Variants in VPS13B observed in about 807,000 individuals in gnomAD.
VPS13B encodes vacuolar protein sorting 13 homolog B.
A neutral mutation model predicts 426.4 loss-of-function variants in VPS13B; 285 were observed. The observed-to-expected ratio is 0.67, with a 90% CI of 0.61 to 0.74. The LOEUF is 0.74. VPS13B is among the 30% of genes least tolerant of loss of function. The pLI, the probability that VPS13B is intolerant of heterozygous loss-of-function variation, is 0.00. For missense variants in VPS13B, 4,537 were observed against 4,782.6 expected, an observed-to-expected ratio of 0.95 and a Z score of 1.51; for synonymous variants, 1,676 against 1,676.4, an observed-to-expected ratio of 1.00 and a Z score of 0.01.
intron 12 of VPS13B, among the ~76,000 whole-genome samples, chr8:99,137,980 C>T (rs1031870436): frequency 3.3e-5 from 5 of 152,030 alleles, no homozygotes; most frequent in African/African-American, 9.7e-5. Context: ...TCGTACTATC[C>T]TCTTCTTGTT....
At chr8:99,767,668 GT>G (rs1811295393) in intron 40 of VPS13B, among the ~76,000 whole-genome samples, 1 of 152,122 alleles carries the variant, frequency 6.6e-6, no homozygotes, top group Non-Finnish European at 1.5e-5. Flanking sequence ...GTGGCTCGCA[GT>G]TGTAATCCCA....
intron 17 of VPS13B, among the ~76,000 whole-genome samples, chr8:99,272,782 T>C (rs1414071983): frequency 1.3e-5 from 2 of 152,190 alleles, no homozygotes; most frequent in South Asian, 2.1e-4. Flanking sequence ...TTTGCTTCCT[T>C]TTTATCTATA....
chr8:99,589,893 A>T (rs908992896), intron 33 of VPS13B, among the ~76,000 whole-genome samples: 3 of 152,072 alleles, frequency 2.0e-5, no homozygotes, highest in Non-Finnish European at 4.4e-5. Context: ...TATTGATTGG[A>T]ATAGTTTCAG....
rs1371561446 is a variant in VPS13B at position 99,717,477 on chromosome 8, G to A, written c.6657+104G>A. 5 of 1,048,616 alleles carry A rather than the reference G, an allele frequency of 4.8e-6. No individual in the cohort carries two copies. The East Asian group carries it at 1.0e-4, about 22-fold the overall frequency. 65.0% of individuals were successfully genotyped at this position (1,048,616 alleles called of 1,614,324 possible). A position where few individuals can be genotyped will look rare whatever the true frequency, so the allele number is the denominator to read the frequency against. ...TTAAATCTTTGTGTGGTAAGAAAGG[G>A]TATTTGTCAGATTGCTACTTGTTAA... is the stretch of plus-strand genomic sequence containing the variant. On this transcript the variant is annotated intron_variant, in intron 37 of 61. Transcript: ENST00000357162.
intron 30 of VPS13B, among the ~76,000 whole-genome samples, chr8:99,547,431 A>T (rs1296840913): frequency 1.3e-5 from 2 of 151,982 alleles, no homozygotes; most frequent in African/African-American, 4.8e-5. Context: ...CTTCTTTTTC[A>T]TTCCTATTTT....
At position 99,821,455 on chromosome 8, in the gene VPS13B, A is replaced by T. The variant is rs747092413; in HGVS notation, c.9156A>T (p.Arg3052Ser). The change falls in exon 50 of 62, where the codon AGA becomes AGT. Residue 3052 changes from arginine (R) to serine (S), a missense_variant. Arg to Ser is a moderately radical substitution (Grantham distance 110). Around this residue, in one of 2 missense-constraint regions of VPS13B, gnomAD observed 4,311 missense variants for 4,474.3 expected, o/e 0.96. Coordinates refer to ENST00000357162, the MANE Select transcript of VPS13B (RefSeq NM_152564.5). Reference protein sequence around the residue: ...DEEAFVDTEIRLGAFPGHQKL... With the variant: ...DEEAFVDTEISLGAFPGHQKL... The stretch of plus-strand genomic sequence containing the variant: ...AAGCGTTTGTTGATACTGAAATAAG[A>T]CTTGGTGCTTTTCCAGGACATCAGA... 3.1e-6 allele frequency: 5 copies of T among 1,613,644 alleles called. No homozygotes were observed. The highest frequency in any genetic ancestry group is 4.2e-6 in the Non-Finnish European group (5 of 1,179,738).
intron 33 of VPS13B, among the ~76,000 whole-genome samples, chr8:99,592,014 G>A (rs1001849645): frequency 9.9e-5 from 15 of 151,830 alleles, no homozygotes; most frequent in African/African-American, 2.2e-4. Flanking sequence ...GTCTTTTCAC[G>A]TAGTCCCATA....
At chr8:99,410,071 T>C (rs1280171007) in intron 21 of VPS13B, among the ~76,000 whole-genome samples, 3 of 152,126 alleles carry the variant, frequency 2.0e-5, no homozygotes, top group Non-Finnish European at 4.4e-5. Flanking sequence ...AATTTCAGAT[T>C]TCACCACTCT....
rs147119391 is a variant in VPS13B at position 99,530,369 on chromosome 8, C to T, written c.4745+9359C>T. Among the ~76,000 whole-genome samples, 93 of 152,214 alleles carry T rather than the reference C, an allele frequency of 6.1e-4. 1 individual carries two copies. The highest frequency in any genetic ancestry group is 1.9e-3 in the African/African-American group (80 of 41,546). On this transcript the variant is annotated intron_variant, in intron 30 of 61. Coordinates refer to ENST00000357162, the MANE Select transcript of VPS13B (RefSeq NM_152564.5). ...GTGGCTGATGCCTGTAATCCCAGCA[C>T]TTTGGGAGGCCAAGGTGGGCGGATC...
At chr8:99,465,362 CTG>C (rs1255480763) in intron 23 of VPS13B, among the ~76,000 whole-genome samples, 10 of 148,110 alleles carry the variant, frequency 6.8e-5, no homozygotes, top group Non-Finnish European at 1.3e-4. Context: ...TTAAAACAAT[CTG>C]TATGCTAAAT....
intron 40 of VPS13B, among the ~76,000 whole-genome samples, chr8:99,770,307 G>C (rs1811418321): frequency 6.6e-6 from 1 of 152,112 alleles, no homozygotes; most frequent in Non-Finnish European, 1.5e-5. Flanking sequence ...TCTATTTGCT[G>C]TGCACTGGAC....
In VPS13B at chr8:99,823,898, A is replaced by G. The variant is rs1405796986; in HGVS notation, c.9250A>G (p.Thr3084Ala). ...GIQIIQIEDKTTIINNTPYQI... is the reference protein window; with the variant it reads ...GIQIIQIEDKATIINNTPYQI... ...ACAAATTATTCAGATTGAAGACAAG[A>G]CTACAATAATCAATAATACACCATA... The change falls in exon 51 of 62, where the codon ACT becomes GCT. Residue 3084 changes from threonine to alanine, a missense_variant. Coordinates refer to ENST00000357162, the MANE Select transcript of VPS13B (RefSeq NM_152564.5). The G allele has an allele frequency of 1.2e-6, 2 of 1,613,166 alleles. No homozygotes were observed. The highest frequency in any genetic ancestry group is 1.3e-5 in the African/African-American group (1 of 74,898).
chr8:99,167,563 T>C (rs1812080070), intron 15 of VPS13B, among the ~76,000 whole-genome samples: 1 of 152,090 alleles, frequency 6.6e-6, no homozygotes, highest in South Asian at 2.1e-4. Flanking sequence ...CAAATTCTAA[T>C]TTATGATAAT....
chr8:99,416,908 T>C (rs191395618), intron 21 of VPS13B, among the ~76,000 whole-genome samples: 1 of 152,332 alleles, frequency 6.6e-6, no homozygotes, highest in African/African-American at 2.4e-5. Context: ...TATAGTGCAG[T>C]ATTTGTCAAA....
intron 47 of VPS13B, 95 bp downstream of exon 47, chr8:99,818,983 G>GGGT: frequency 7.8e-6 from 3 of 384,876 alleles, no homozygotes; most frequent in Non-Finnish European, 1.1e-5. Flanking sequence ...GGAGGGGTGG[G>GGGT]TAGGGAGATG....
At chr8:99,714,619 TA>T (rs1404899232) in intron 36 of VPS13B, among the ~76,000 whole-genome samples, 1 of 152,200 alleles carries the variant, frequency 6.6e-6, no homozygotes, top group Non-Finnish European at 1.5e-5. Context: ...GTTAATATTG[TA>T]AATAATAAAA....
intron 17 of VPS13B, among the ~76,000 whole-genome samples, chr8:99,263,236 T>A (rs898590732): frequency 2.6e-5 from 4 of 152,190 alleles, no homozygotes; most frequent in Admixed American, 1.3e-4. Flanking sequence ...TTGTTGCAGT[T>A]TTCTTATTTT....
intron 15 of VPS13B, among the ~76,000 whole-genome samples, chr8:99,164,209 G>A (rs1811858976): frequency 6.6e-6 from 1 of 152,082 alleles, no homozygotes; most frequent in Non-Finnish European, 1.5e-5. Context: ...CGATTCTAGA[G>A]GAAACAAAAT....
intron 15 of VPS13B, among the ~76,000 whole-genome samples, chr8:99,168,161 ACTTCTTTGT>A (rs1349574187): frequency 6.6e-6 from 1 of 152,132 alleles, no homozygotes; most frequent in African/African-American, 2.4e-5. Flanking sequence ...TTAGAAGGTA[ACTTCTTTGT>A]CCAGTAGGTC....
Sources: gnomAD v4.1 joint callset for allele counts (sites outside exome capture counted in the v4.1 genomes callset) on GRCh38, gnomAD v4.1.1 for gene constraint, gnomAD v4.1.1 regional missense constraint, MANE v1.5 for transcripts, NCBI Gene and HGNC (gene_info 2026-07-23, HGNC 2026-07-21) for gene names.